FOXN3: variants seen among roughly 807,000 people sequenced by gnomAD.
The protein encoded by FOXN3 is forkhead box N3.
In FOXN3, 7 loss-of-function variants were observed where a neutral mutation model predicts 38.4. The observed-to-expected ratio is 0.18, with a 90% CI of 0.10 to 0.34. The LOEUF (loss-of-function observed/expected upper bound fraction) is 0.34. FOXN3 is among the 10% of genes least tolerant of loss of function. FOXN3 has a pLI of 1.00. For synonymous variants in FOXN3, 230 were observed against 242.2 expected (o/e 0.95, Z 0.47); for missense variants, 456 against 613.4 (o/e 0.74, Z 2.71).
chr14:89,567,617 T>TGTAAAAGGTACAGAGCGA (rs1895388733), intron 1 of FOXN3, among the ~76,000 whole-genome samples: 4 of 148,758 alleles, frequency 2.7e-5, no homozygotes, highest in African/African-American at 1.0e-4. Context: ...CAAGGGAAGA[T>TGTAAAAGGTACAGAGCGA]TATTTATTGG....
At chr14:89,343,109 T>G (rs929670642) in intron 3 of FOXN3, among the ~76,000 whole-genome samples, 1 of 152,206 alleles carries the variant, frequency 6.6e-6, no homozygotes, top group Non-Finnish European at 1.5e-5. Context: ...CACAACACTC[T>G]GAATAACTAG....
In FOXN3 at chr14:89,312,125, A is replaced by G. The variant is rs190362636; in HGVS notation, c.681-31111T>C. Reference sequence around the variant, plus strand: ...CATGGTGAAACCCCATCTCTACTAAAAATACAAAAAGTAGCTGGGTGTGGT... The same window carrying G: ...CATGGTGAAACCCCATCTCTACTAAGAATACAAAAAGTAGCTGGGTGTGGT... On this transcript the variant is annotated intron_variant, in intron 3 of 5. Coordinates refer to ENST00000557258, the MANE Select transcript of FOXN3 (RefSeq NM_005197.4). Among the ~76,000 whole-genome samples, 67 of 151,722 alleles carry G rather than the reference A, an allele frequency of 4.4e-4. No individual in the cohort carries two copies. The East Asian group carries it at 0.012, about 28-fold the overall frequency.
At chr14:89,519,864 A>ACTGG (rs1276303176) in intron 1 of FOXN3, among the ~76,000 whole-genome samples, 1 of 152,160 alleles carries the variant, frequency 6.6e-6, no homozygotes, top group Non-Finnish European at 1.5e-5. Flanking sequence ...CCAACCTTAG[A>ACTGG]CTGGAAAACA....
At chr14:89,346,264 T>G (rs1195920825) in intron 3 of FOXN3, among the ~76,000 whole-genome samples, 1 of 152,250 alleles carries the variant, frequency 6.6e-6, no homozygotes, top group Non-Finnish European at 1.5e-5. Flanking sequence ...CTACTATTAC[T>G]ATTAACTAAA....
chr14:89,175,987 A>G (rs138227111), intron 5 of FOXN3, among the ~76,000 whole-genome samples: 1 of 152,230 alleles, frequency 6.6e-6, no homozygotes, highest in East Asian at 1.9e-4. Context: ...GTTCCATTCA[A>G]TGCAATCTCT....
At chr14:89,473,657 C>T (rs994861060) in intron 1 of FOXN3, among the ~76,000 whole-genome samples, 9 of 152,306 alleles carry the variant, frequency 5.9e-5, no homozygotes, top group Admixed American at 5.9e-4. Flanking sequence ...CACAAGCCAC[C>T]ACAGTTGGCC....
At chr14:89,286,243 TAAG>T (rs1017480621) in intron 3 of FOXN3, among the ~76,000 whole-genome samples, 4 of 151,940 alleles carry the variant, frequency 2.6e-5, no homozygotes, top group Non-Finnish European at 5.9e-5. Flanking sequence ...ATTGAGATGA[TAAG>T]AAGGACTCTG....
chr14:89,334,447 T>C (rs1888377953), intron 3 of FOXN3, among the ~76,000 whole-genome samples: 1 of 151,990 alleles, frequency 6.6e-6, no homozygotes, highest in Admixed American at 6.6e-5. Flanking sequence ...CTGTCTCTAC[T>C]AAAAATACAA....
chr14:89,449,122 T>C (rs773520858), intron 1 of FOXN3, among the ~76,000 whole-genome samples: 2 of 152,206 alleles, frequency 1.3e-5, no homozygotes, highest in Non-Finnish European at 2.9e-5. Flanking sequence ...AAATCTTTCA[T>C]GTGTTCTGAC....
In FOXN3 at chr14:89,243,533, A is replaced by G. The variant is rs149160115; in HGVS notation, c.745+37417T>C. Among the ~76,000 whole-genome samples, 955 of 152,290 alleles carry G rather than the reference A, an allele frequency of 6.3e-3. 13 individuals are homozygous for G. Among genetic ancestry groups the G allele is most frequent in the African/African-American group, 0.022 (910 of 41,554 alleles). On this transcript the variant is annotated intron_variant, in intron 4 of 5. Coordinates refer to ENST00000557258, the MANE Select transcript of FOXN3 (RefSeq NM_005197.4). ...CCCGTGACCTCCACACATCAGCCTTATTGTGTTATTTTATGAAGAATGTAT... is the reference window on the plus strand; with the variant it reads ...CCCGTGACCTCCACACATCAGCCTTGTTGTGTTATTTTATGAAGAATGTAT...
chr14:89,336,268 T>C (rs2139993286), intron 3 of FOXN3, among the ~76,000 whole-genome samples: 1 of 48,652 alleles, frequency 2.1e-5, no homozygotes, highest in African/African-American at 5.8e-5. Context: ...CCACACAGAA[T>C]CCTCTCTGCT....
In FOXN3 at chr14:89,398,773, G is replaced by A. The variant is rs537083457; in HGVS notation, c.543+13161C>T. Among the ~76,000 whole-genome samples the A allele has an allele frequency of 3.9e-5, 6 of 152,280 alleles. No individual in the cohort carries two copies. The South Asian group carries it at 8.3e-4, about 21-fold the overall frequency. ...GGCTGAAGCGGCCAGATCACCTGAG[G>A]TCGGGAGTTCAAGACCAGCCTGACC... On this transcript the variant is annotated intron_variant, in intron 2 of 5. Transcript: ENST00000557258.
At chr14:89,529,957 T>C (rs1163103285) in intron 1 of FOXN3, among the ~76,000 whole-genome samples, 1 of 151,748 alleles carries the variant, frequency 6.6e-6, no homozygotes, top group Non-Finnish European at 1.5e-5. Flanking sequence ...TTTTTTTTTT[T>C]TGATACAGGG....
chr14:89,263,359 G>GAA (rs376789311), intron 4 of FOXN3, among the ~76,000 whole-genome samples: 1 of 141,494 alleles, frequency 7.1e-6, no homozygotes. Flanking sequence ...AATTTTTGAA[G>GAA]AAAAAAAAAA....
At chr14:89,388,544 A>T (rs1356419362) in intron 2 of FOXN3, among the ~76,000 whole-genome samples, 1 of 152,156 alleles carries the variant, frequency 6.6e-6, no homozygotes, top group Non-Finnish European at 1.5e-5. Context: ...CCCCCTGCAC[A>T]CAGCGCTGTC....
intron 3 of FOXN3, among the ~76,000 whole-genome samples, chr14:89,343,126 A>G (rs568898887): frequency 6.6e-6 from 1 of 152,374 alleles, no homozygotes; most frequent in Admixed American, 6.5e-5. Context: ...CTAGAATGAA[A>G]GATGTCTTAT....
At chr14:89,442,215 C>T (rs1451210099) in intron 1 of FOXN3, among the ~76,000 whole-genome samples, 4 of 152,060 alleles carry the variant, frequency 2.6e-5, no homozygotes, top group African/African-American at 4.8e-5. Context: ...CGTGAGCCAC[C>T]GCGCCCGGGT....
intron 4 of FOXN3, among the ~76,000 whole-genome samples, chr14:89,258,970 A>T (rs779538667): frequency 1.3e-5 from 2 of 152,178 alleles, no homozygotes; most frequent in African/African-American, 4.8e-5. Context: ...CTGTGTTTCC[A>T]GCTCTGGCCA....
chr14:89,559,493 T>C (rs1895202367), intron 1 of FOXN3, among the ~76,000 whole-genome samples: 1 of 151,414 alleles, frequency 6.6e-6, no homozygotes, highest in South Asian at 2.1e-4. Context: ...CTGCCCAATA[T>C]GGTGAAACCC....
Sources: allele counts gnomAD v4.1 joint callset (sites outside exome capture counted in the v4.1 genomes callset), GRCh38; gene constraint gnomAD v4.1.1; transcripts MANE v1.5; gene names NCBI Gene and HGNC (gene_info 2026-07-23, HGNC 2026-07-21).